ADCY5: variants seen among roughly 807,000 people sequenced by gnomAD.
ADCY5 encodes the protein adenylate cyclase type 5.
In ADCY5, 30 loss-of-function variants were observed where a neutral mutation model predicts 119.7. That is an observed-to-expected ratio of 0.25 (90% CI 0.19 to 0.34). The LOEUF (loss-of-function observed/expected upper bound fraction) is 0.34, where lower values mean the gene tolerates loss of function less well. ADCY5 is among the 10% of genes least tolerant of loss of function. The pLI is 1.00. For synonymous variants in ADCY5, 753 were observed against 762.2 expected, an observed-to-expected ratio of 0.99 and a Z score of 0.20; for missense variants, 1,324 against 1,775.2, an observed-to-expected ratio of 0.75 and a Z score of 4.57.
chr3:123,376,689 G>C (rs930973633), intron 1 of ADCY5, among the ~76,000 whole-genome samples: 3 of 152,158 alleles, frequency 2.0e-5, no homozygotes, highest in African/African-American at 7.2e-5. Context: ...CCCCAGAGCA[G>C]AGTGGCTGGC....
At chr3:123,293,058 C>T (rs923626039) in intron 17 of ADCY5, among the ~76,000 whole-genome samples, 2 of 152,228 alleles carry the variant, frequency 1.3e-5, no homozygotes, top group Admixed American at 6.5e-5. Context: ...CACAGGTGGG[C>T]GCCTGACAAT....
At chr3:123,382,036 C>A (rs1167389722) in intron 1 of ADCY5, among the ~76,000 whole-genome samples, 1 of 100,398 alleles carries the variant, frequency 1.0e-5, no homozygotes, top group East Asian at 2.2e-4. Flanking sequence ...TCTCCTGGGG[C>A]CCCCCTGTTG....
chr3:123,373,390 T>C (rs1452267404), intron 1 of ADCY5, among the ~76,000 whole-genome samples: 1 of 152,216 alleles, frequency 6.6e-6, no homozygotes, highest in Non-Finnish European at 1.5e-5. Context: ...TGCAGCAAAC[T>C]GGATTGATAC....
At chr3:123,419,984 C>A (rs1945268667) in intron 1 of ADCY5, among the ~76,000 whole-genome samples, 1 of 152,120 alleles carries the variant, frequency 6.6e-6, no homozygotes, top group African/African-American at 2.4e-5. Context: ...GAAGCCTGCA[C>A]CATCCTCATC....
chr3:123,446,251 G>A (rs764340425), intron 1 of ADCY5, among the ~76,000 whole-genome samples: 3 of 152,146 alleles, frequency 2.0e-5, no homozygotes, highest in South Asian at 2.1e-4. Context: ...AGAAAGATGC[G>A]GTACTCAAGA....
intron 1 of ADCY5, among the ~76,000 whole-genome samples, chr3:123,430,088 T>G (rs1395386037): frequency 6.6e-6 from 1 of 152,048 alleles, no homozygotes; most frequent in Non-Finnish European, 1.5e-5. Flanking sequence ...GGCAAACACA[T>G]GGAGACCCTC....
chr3:123,408,350 T>G (rs374105118), intron 1 of ADCY5, among the ~76,000 whole-genome samples: 3,801 of 151,590 alleles, frequency 0.025, 174 homozygotes, highest in African/African-American at 0.086. Flanking sequence ...TTTTTGTTTT[T>G]TTTTTTTTTT....
intron 5 of ADCY5, among the ~76,000 whole-genome samples, chr3:123,329,051 C>G (rs945382846): frequency 6.6e-6 from 1 of 152,198 alleles, no homozygotes; most frequent in Non-Finnish European, 1.5e-5. Flanking sequence ...AAACCTAGAG[C>G]CCTGCTGCTT....
At chr3:123,408,654 T>TA (rs1263526009) in intron 1 of ADCY5, among the ~76,000 whole-genome samples, 412 of 122,426 alleles carry the variant, frequency 3.4e-3, no homozygotes, top group African/African-American at 6.8e-3. Context: ...AGATTGCATC[T>TA]AAAAAAAAAA....
intron 1 of ADCY5, among the ~76,000 whole-genome samples, chr3:123,434,222 T>C (rs942418103): frequency 6.6e-6 from 1 of 152,220 alleles, no homozygotes; most frequent in Non-Finnish European, 1.5e-5. Flanking sequence ...TAACTAGCAA[T>C]GTAACCTGAA....
At chr3:123,303,005 A>G (rs1330025433) in intron 14 of ADCY5, 50 bp downstream of exon 14, 1 of 1,591,548 alleles carries the variant, frequency 6.3e-7, no homozygotes, top group Non-Finnish European at 8.6e-7. Flanking sequence ...ACAGTGGGGG[A>G]GGGCAAGGGA....
Position 123,303,049 on chromosome 3 carries a change from C to T in ADCY5, c.2724+6G>A, listed in dbSNP as rs369954008. The T allele has an allele frequency of 8.4e-5, 136 of 1,613,154 alleles. No individual in the cohort carries two copies. The highest frequency in any genetic ancestry group is 1.0e-4 in the Admixed American group (6 of 59,990). On this transcript the variant is annotated splice_donor_region_variant and intron_variant, in intron 14 of 20. Transcript: ENST00000462833. ...CACTCCCTTCCAGCCCCTGTGCACCCAGTACCTCGGGGAAGTTGCAGTTGG... is the reference window on the plus strand; with the variant it reads ...CACTCCCTTCCAGCCCCTGTGCACCTAGTACCTCGGGGAAGTTGCAGTTGG...
chr3:123,332,534 C>T (rs201205139), intron 4 of ADCY5, 30 bp downstream of exon 4: 79 of 1,557,706 alleles, frequency 5.1e-5, no homozygotes, highest in Non-Finnish European at 6.8e-5. Context: ...CAGGTCAGGC[C>T]ACCCCAACCC....
At chr3:123,351,350 C>T (rs1309758735) in intron 2 of ADCY5, among the ~76,000 whole-genome samples, 1 of 152,220 alleles carries the variant, frequency 6.6e-6, no homozygotes, top group African/African-American at 2.4e-5. Flanking sequence ...ACAGCATGTG[C>T]TCCGTGCCAG....
intron 1 of ADCY5, among the ~76,000 whole-genome samples, chr3:123,431,723 C>G (rs967171205): frequency 6.6e-5 from 10 of 152,236 alleles, no homozygotes; most frequent in Non-Finnish European, 1.3e-4. Flanking sequence ...CCTTGCCTGA[C>G]AAGGTTTTTA....
chr3:123,317,934 T>C, intron 11 of ADCY5, 86 bp downstream of exon 11: 2 of 1,247,310 alleles, frequency 1.6e-6, no homozygotes, highest in Non-Finnish European at 1.2e-6. Flanking sequence ...GACTCCCTGC[T>C]CTGTTCTCCT....
At chr3:123,411,147 C>T (rs942214279) in intron 1 of ADCY5, among the ~76,000 whole-genome samples, 3 of 152,198 alleles carry the variant, frequency 2.0e-5, no homozygotes, top group African/African-American at 7.2e-5. Context: ...GCTCTTCTTC[C>T]TTGCCCTGTG....
At chr3:123,326,800 C>T (rs1223721151) in intron 7 of ADCY5, among the ~76,000 whole-genome samples, 5 of 139,986 alleles carry the variant, frequency 3.6e-5, no homozygotes, top group African/African-American at 5.1e-5. Context: ...CTCTGATGTC[C>T]CTCTTGGCAC....
At chr3:123,338,995 C>T (rs1388566283) in intron 3 of ADCY5, among the ~76,000 whole-genome samples, 2 of 152,198 alleles carry the variant, frequency 1.3e-5, no homozygotes, top group African/African-American at 4.8e-5. Context: ...CCTCTGATCT[C>T]CTGCAGCCCC....
Sources: gnomAD v4.1 joint callset for allele counts (sites outside exome capture counted in the v4.1 genomes callset) on GRCh38, gnomAD v4.1.1 for gene constraint, MANE v1.5 for transcripts, NCBI Gene and HGNC (gene_info 2026-07-23, HGNC 2026-07-21) for gene names.